Variants in KCNK9 observed in about 807,000 individuals in gnomAD.
KCNK9 encodes potassium two pore domain channel subfamily K member 9, also known as potassium channel subfamily K member 9.
In KCNK9, 1 loss-of-function variant was observed where a neutral mutation model predicts 10.8. That is an observed-to-expected ratio of 0.09 (90% CI 0.03 to 0.44). The LOEUF is 0.44. KCNK9 is among the 20% of genes least tolerant of loss of function. The pLI, the probability that KCNK9 is intolerant of heterozygous loss-of-function variation, is 0.97. For synonymous variants in KCNK9, 231 were observed against 222.7 expected (o/e 1.04, Z -0.33); for missense variants, 303 against 515.0 (o/e 0.59, Z 3.98).
intron 1 of KCNK9, among the ~76,000 whole-genome samples, chr8:139,633,739 G>A (rs1023232159): frequency 2.0e-5 from 3 of 152,186 alleles, no homozygotes; most frequent in Admixed American, 1.3e-4. Context: ...AGCTGCTCTC[G>A]GTCTGTGCAG....
At position 139,703,079 on chromosome 8, in the gene KCNK9, C is replaced by T. The variant is rs1320234689; in HGVS notation, c.-87G>A. On this transcript the variant is annotated 5_prime_UTR_variant, in exon 1 of 2. Coordinates refer to ENST00000520439, the MANE Select transcript of KCNK9 (RefSeq NM_001282534.2). The surrounding 1 kb of genome is among the most constrained non-coding windows in gnomAD (Gnocchi z 6.4). The stretch of plus-strand genomic sequence containing the variant: ...CACTGCAGCGCCCGGCGGCCGCCGC[C>T]GCCTCCTCCTCCGCCGCCGCCGCCG... The T allele has an allele frequency of 3.6e-5, 44 of 1,215,994 alleles. No individual in the cohort carries two copies. Among genetic ancestry groups the T allele is most frequent in the Admixed American group, 1.7e-4 (4 of 23,970 alleles). The allele number at this position is 1,215,994 out of a possible 1,614,324, so 75.3% of individuals were successfully genotyped here. A position where few individuals can be genotyped will look rare whatever the true frequency, so the allele number is the denominator to read the frequency against.
chr8:139,628,626 G>A (rs2130128861), intron 1 of KCNK9, among the ~76,000 whole-genome samples: 1 of 152,236 alleles, frequency 6.6e-6, no homozygotes, highest in Admixed American at 6.5e-5. Context: ...ACCAAATCTT[G>A]GCAGATTTGG....
At chr8:139,604,169 C>A (rs1481807771) in intron 2 of KCNK9, among the ~76,000 whole-genome samples, 1 of 152,198 alleles carries the variant, frequency 6.6e-6, no homozygotes, top group Non-Finnish European at 1.5e-5. Context: ...TTCTTCCCAT[C>A]ATTTAGGTAT....
chr8:139,606,186 A>C (rs1817483570), intron 2 of KCNK9, among the ~76,000 whole-genome samples: 1 of 152,164 alleles, frequency 6.6e-6, no homozygotes, highest in African/African-American at 2.4e-5. Context: ...GGGACCAACC[A>C]TTTCATCCTC....
rs1448502564 is a variant in KCNK9 at position 139,660,172 on chromosome 8, C to CCT, written c.284-41075_284-41074dup. ...TCAGAAGGTACACGTTGAGCCTCAA[C>CCT]CTCTCTGGAATATTATTATATTAAA... On this transcript the variant is annotated intron_variant, in intron 1 of 1. Coordinates refer to ENST00000520439, the MANE Select transcript of KCNK9 (RefSeq NM_001282534.2). 1.6e-4 allele frequency among the ~76,000 whole-genome samples: 25 copies of CCT among 152,242 alleles called. No homozygotes were observed. In the East Asian group the frequency reaches 4.6e-3, roughly 28 times the overall value.
At position 139,664,043 on chromosome 8, in the gene KCNK9, G is replaced by A. The variant is rs1040009003; in HGVS notation, c.283+38667C>T. Among the ~76,000 whole-genome samples, 4 of 152,154 alleles carry A rather than the reference G, an allele frequency of 2.6e-5. 1 individual carries two copies. The highest frequency in any genetic ancestry group is 4.2e-4 in the South Asian group (2 of 4,816). On this transcript the variant is annotated intron_variant, in intron 1 of 1. Transcript: ENST00000520439. ...GCGGCTATCCTACAGAGGAGGAAACGGGAGCAGGGACCGATCAAGCCGCCT... is the reference window on the plus strand; with the variant it reads ...GCGGCTATCCTACAGAGGAGGAAACAGGAGCAGGGACCGATCAAGCCGCCT...
At chr8:139,666,036 G>A (rs945593858) in intron 1 of KCNK9, among the ~76,000 whole-genome samples, 46 of 152,198 alleles carry the variant, frequency 3.0e-4, no homozygotes, top group African/African-American at 1.0e-3. Context: ...CAAGCACCCC[G>A]GGAGCTGTGT....
intron 1 of KCNK9, among the ~76,000 whole-genome samples, chr8:139,660,023 T>C (rs1816112226): frequency 6.6e-6 from 1 of 152,160 alleles, no homozygotes; most frequent in Non-Finnish European, 1.5e-5. Flanking sequence ...GGTGGGAGTC[T>C]TAAGGAGCAC....
chr8:139,623,127 T>C (rs566054526), intron 1 of KCNK9, among the ~76,000 whole-genome samples: 2 of 152,258 alleles, frequency 1.3e-5, no homozygotes, highest in African/African-American at 2.4e-5. Flanking sequence ...ATGTAGAAGA[T>C]ACAATAAAGA....
chr8:139,650,885 C>T (rs1038036792), intron 1 of KCNK9, among the ~76,000 whole-genome samples: 2 of 152,210 alleles, frequency 1.3e-5, no homozygotes, highest in African/African-American at 4.8e-5. Context: ...CCCCTTGACA[C>T]CCCCGGAAGT....
At chr8:139,660,447 A>ATATATATATATAT (rs34791987) in intron 1 of KCNK9, among the ~76,000 whole-genome samples, 36 of 128,934 alleles carry the variant, frequency 2.8e-4, no homozygotes, top group African/African-American at 1.2e-3. Context: ...CTGCTAAAAA[A>ATATATATATATAT]AAATATATAT....
At chr8:139,677,626 T>C (rs560801270) in intron 1 of KCNK9, among the ~76,000 whole-genome samples, 61 of 42,800 alleles carry the variant, frequency 1.4e-3, no homozygotes, top group Middle Eastern at 8.6e-3. Context: ...AGTAATACCA[T>C]GCATCCCAGC....
intron 2 of KCNK9, among the ~76,000 whole-genome samples, chr8:139,606,192 TC>T (rs1246758925): frequency 6.6e-6 from 1 of 152,156 alleles, no homozygotes; most frequent in Non-Finnish European, 1.5e-5. Context: ...AACCATTTCA[TC>T]CTCCTAGAAT....
chr8:139,670,240 A>G (rs1476478874), intron 1 of KCNK9, among the ~76,000 whole-genome samples: 1 of 152,190 alleles, frequency 6.6e-6, no homozygotes, highest in Non-Finnish European at 1.5e-5. Flanking sequence ...GACAATTACA[A>G]TAGTAACGCC....
chr8:139,687,558 G>GTATACACATATATTCATATATATA (rs1563751993), intron 1 of KCNK9, among the ~76,000 whole-genome samples: 1 of 116,784 alleles, frequency 8.6e-6, no homozygotes, highest in Non-Finnish European at 1.7e-5. Flanking sequence ...TCATATATAT[G>GTATACACATATATTCATATATATA]TATACATATA....
chr8:139,634,204 C>T (rs561049684), intron 1 of KCNK9, among the ~76,000 whole-genome samples: 7 of 152,328 alleles, frequency 4.6e-5, no homozygotes, highest in African/African-American at 1.4e-4. Context: ...CTTCAGGGAC[C>T]AGGTAAGTGC....
chr8:139,612,700 A>G (rs1296824081), downstream of KCNK9: 1 of 152,212 alleles, frequency 6.6e-6, no homozygotes, highest in African/African-American at 2.4e-5. Flanking sequence ...AACATTTAAT[A>G]TGACTTATTT....
intron 1 of KCNK9, among the ~76,000 whole-genome samples, chr8:139,655,495 C>T (rs1218783253): frequency 6.6e-6 from 1 of 152,124 alleles, no homozygotes; most frequent in Non-Finnish European, 1.5e-5. Flanking sequence ...GCTGTGACCC[C>T]CATCAGGTCC....
intron 1 of KCNK9, among the ~76,000 whole-genome samples, chr8:139,681,437 G>A (rs1816685656): frequency 6.6e-6 from 1 of 152,234 alleles, no homozygotes; most frequent in Non-Finnish European, 1.5e-5. Flanking sequence ...CCAGTGCCCA[G>A]AGCCCCATGC....
Sources: allele counts gnomAD v4.1 joint callset (sites outside exome capture counted in the v4.1 genomes callset), GRCh38; gene constraint gnomAD v4.1.1; non-coding constraint Gnocchi (gnomAD v3.1); transcripts MANE v1.5; gene names NCBI Gene and HGNC (gene_info 2026-07-23, HGNC 2026-07-21).